Variants in GUCA1C observed in about 807,000 individuals in gnomAD.
The protein encoded by GUCA1C is guanylyl cyclase-activating protein 3.
Under a neutral mutation model 16.2 loss-of-function variants are expected in GUCA1C, and 15 were observed. That is an observed-to-expected ratio of 0.93 (90% CI 0.62 to 1.43). The LOEUF (loss-of-function observed/expected upper bound fraction) is 1.43. GUCA1C is among the 40% of genes most tolerant of loss of function. The pLI is 0.00. For synonymous variants in GUCA1C, 78 were observed against 85.4 expected (o/e 0.91, Z 0.48); for missense variants, 275 against 244.8 (o/e 1.12, Z -0.82).
At chr3:108,915,687 G>A (rs1224596619) in intron 3 of GUCA1C, among the ~76,000 whole-genome samples, 1 of 152,124 alleles carries the variant, frequency 6.6e-6, no homozygotes, top group Non-Finnish European at 1.5e-5. Context: ...GAAGAAAAAA[G>A]CCTGATAGTA....
intron 1 of GUCA1C, among the ~76,000 whole-genome samples, chr3:108,934,175 T>TG (rs1946697741): frequency 7.3e-6 from 1 of 137,846 alleles, no homozygotes; most frequent in African/African-American, 2.7e-5. Context: ...CAGGGCCTGC[T>TG]GGGGGGTGGG....
intron 1 of GUCA1C, among the ~76,000 whole-genome samples, chr3:108,944,003 C>T (rs1946818062): frequency 6.6e-6 from 1 of 151,028 alleles, no homozygotes; most frequent in African/African-American, 2.4e-5. Context: ...TAATGATAAA[C>T]CAAATTTAAA....
At chr3:108,948,988 C>G (rs2107319263) in intron 1 of GUCA1C, among the ~76,000 whole-genome samples, 1 of 152,120 alleles carries the variant, frequency 6.6e-6, no homozygotes, top group Admixed American at 6.5e-5. Context: ...GCTGGGATTA[C>G]AGGTGCCCAC....
At chr3:108,926,190 C>CT (rs1946621523) in intron 1 of GUCA1C, among the ~76,000 whole-genome samples, 1 of 151,920 alleles carries the variant, frequency 6.6e-6, no homozygotes, top group Non-Finnish European at 1.5e-5. Context: ...TCCCCTTTGT[C>CT]TTTTTTAACT....
At chr3:108,909,467 G>C (rs1946425382) in intron 3 of GUCA1C, among the ~76,000 whole-genome samples, 1 of 152,142 alleles carries the variant, frequency 6.6e-6, no homozygotes, top group Admixed American at 6.5e-5. Context: ...AACAATCACA[G>C]AATAACCGCC....
intron 1 of GUCA1C, among the ~76,000 whole-genome samples, chr3:108,948,871 G>T (rs1946869569): frequency 1.4e-5 from 2 of 146,486 alleles, no homozygotes; most frequent in Admixed American, 6.8e-5. Context: ...TTCCTGAGAT[G>T]GAGTCTCACT....
At chr3:108,949,100 G>A (rs532793517) in intron 1 of GUCA1C, among the ~76,000 whole-genome samples, 38 of 152,090 alleles carry the variant, frequency 2.5e-4, no homozygotes, top group South Asian at 2.5e-3. Context: ...TGCCTGCCTC[G>A]GCCTCCCAAA....
chr3:108,929,708 C>T (rs1176854378), intron 1 of GUCA1C, among the ~76,000 whole-genome samples: 1 of 152,198 alleles, frequency 6.6e-6, no homozygotes, highest in Non-Finnish European at 1.5e-5. Context: ...CACCACTGAA[C>T]TTCTTCAATG....
chr3:108,923,640 TTTG>T (rs1449686306), intron 1 of GUCA1C, among the ~76,000 whole-genome samples: 1 of 152,186 alleles, frequency 6.6e-6, no homozygotes. Context: ...CAGGCTTTTT[TTTG>T]TTGTTGTTCC....
At chr3:108,915,692 ATAGT>A (rs1286610278) in intron 3 of GUCA1C, among the ~76,000 whole-genome samples, 3 of 152,192 alleles carry the variant, frequency 2.0e-5, no homozygotes, top group African/African-American at 7.2e-5. Flanking sequence ...AAAAAGCCTG[ATAGT>A]AGAAGAAGAT....
At chr3:108,937,360 C>T (rs1186987274) in intron 1 of GUCA1C, among the ~76,000 whole-genome samples, 1 of 152,192 alleles carries the variant, frequency 6.6e-6, no homozygotes, top group African/African-American at 2.4e-5. Flanking sequence ...CCCACCGTTG[C>T]TCCCTCTCTG....
intron 3 of GUCA1C, among the ~76,000 whole-genome samples, chr3:108,911,110 G>T (rs983667921): frequency 5.3e-5 from 8 of 152,042 alleles, no homozygotes; most frequent in Non-Finnish European, 1.2e-4. Context: ...TATCACTGGT[G>T]GCCCTTTCAT....
At chr3:108,940,318 T>C (rs1198673252) in intron 1 of GUCA1C, among the ~76,000 whole-genome samples, 1 of 152,212 alleles carries the variant, frequency 6.6e-6, no homozygotes, top group African/African-American at 2.4e-5. Context: ...GCGTTATAGG[T>C]TGCAGGGTAG....
chr3:108,925,024 T>C (rs1012419718), intron 1 of GUCA1C, among the ~76,000 whole-genome samples: 7 of 152,174 alleles, frequency 4.6e-5, no homozygotes, highest in African/African-American at 1.7e-4. Context: ...CTCTCTTCTT[T>C]TCTTGGTTAA....
chr3:108,951,974 T>C (rs115553473), intron 1 of GUCA1C, among the ~76,000 whole-genome samples: 1 of 152,200 alleles, frequency 6.6e-6, no homozygotes, highest in African/African-American at 2.4e-5. Context: ...ACATGTACAA[T>C]GCGTTCACAA....
chr3:108,946,248 C>G (rs1946842517), intron 1 of GUCA1C, among the ~76,000 whole-genome samples: 1 of 152,190 alleles, frequency 6.6e-6, no homozygotes, highest in Admixed American at 6.5e-5. Context: ...CCACCTCAGC[C>G]TCCTAAGTAT....
In GUCA1C at chr3:108,920,420, T is replaced by C; in HGVS notation, c.354+16A>G. The C allele has an allele frequency of 1.9e-6, 3 of 1,597,470 alleles. No individual in the cohort carries two copies. Among genetic ancestry groups the C allele is most frequent in the Non-Finnish European group, 2.6e-6 (3 of 1,165,424 alleles). On this transcript the variant is annotated intron_variant, in intron 2 of 3. Transcript: ENST00000261047. ...TATATAGCGGCCTGAAAAGGATACT[T>C]TACTACTTCACTTACCATGAACATG...
At chr3:108,921,612 G>A (rs1441253957) in intron 1 of GUCA1C, among the ~76,000 whole-genome samples, 1 of 152,114 alleles carries the variant, frequency 6.6e-6, no homozygotes, top group Non-Finnish European at 1.5e-5. Flanking sequence ...TGTTTTTAGT[G>A]TTCTGGATTT....
intron 1 of GUCA1C, among the ~76,000 whole-genome samples, chr3:108,927,432 CT>C (rs55930777): frequency 0.019 from 2,418 of 128,208 alleles, 20 homozygotes; most frequent in African/African-American, 0.021. Context: ...TTTTTTAATT[CT>C]TTTTTTTTTT....
Sources: allele counts gnomAD v4.1 joint callset (sites outside exome capture counted in the v4.1 genomes callset), GRCh38; gene constraint gnomAD v4.1.1; transcripts MANE v1.5; gene names NCBI Gene and HGNC (gene_info 2026-07-23, HGNC 2026-07-21).